RBMS1: variants seen among roughly 807,000 people sequenced by gnomAD.
RBMS1 encodes RNA-binding motif, single-stranded-interacting protein 1.
A neutral mutation model predicts 62.3 loss-of-function variants in RBMS1; 17 were observed. That is an observed-to-expected ratio of 0.27 (90% confidence interval 0.19 to 0.41). The LOEUF (loss-of-function observed/expected upper bound fraction) is 0.41, where lower values mean the gene tolerates loss of function less well. Ranked by LOEUF, RBMS1 falls within the 10% of genes least tolerant of loss-of-function variation. The probability of loss-of-function intolerance (pLI) is 1.00; values close to 1 mark genes in which losing one functional copy is unlikely to be tolerated. For missense variants in RBMS1, 334 were observed against 504.5 expected, an observed-to-expected ratio of 0.66 and a Z score of 3.24; for synonymous variants, 172 against 170.0, an observed-to-expected ratio of 1.01 and a Z score of -0.09.
chr2:160,473,124 G>C (rs1684988529), intron 1 of RBMS1, among the ~76,000 whole-genome samples: 1 of 152,196 alleles, frequency 6.6e-6, no homozygotes, highest in Non-Finnish European at 1.5e-5. Context: ...TTCTCTTTAG[G>C]ATTGTATACA....
intron 4 of RBMS1, among the ~76,000 whole-genome samples, chr2:160,305,750 T>C (rs1036570561): frequency 6.6e-6 from 1 of 152,174 alleles, no homozygotes; most frequent in African/African-American, 2.4e-5. Context: ...TTAGGTTCTA[T>C]CTTTTAATAA....
chr2:160,416,573 GTATTCTTACCACC>G (rs1477395705), intron 1 of RBMS1, among the ~76,000 whole-genome samples: 8 of 152,148 alleles, frequency 5.3e-5, no homozygotes, highest in African/African-American at 1.9e-4. Flanking sequence ...GGCAGGACAG[GTATTCTTACCACC>G]TGCCCCTGCC....
intron 1 of RBMS1, among the ~76,000 whole-genome samples, chr2:160,377,875 A>G (rs1280694347): frequency 6.6e-6 from 1 of 152,252 alleles, no homozygotes; most frequent in African/African-American, 2.4e-5. Flanking sequence ...AATCAGAGGG[A>G]GAACTGGGCT....
At chr2:160,347,773 G>A (rs962217339) in intron 2 of RBMS1, among the ~76,000 whole-genome samples, 1 of 152,040 alleles carries the variant, frequency 6.6e-6, no homozygotes, top group Non-Finnish European at 1.5e-5. Context: ...TTTAGACTAA[G>A]GAATTTTGCT....
At chr2:160,358,888 A>C (rs1338147864) in intron 2 of RBMS1, among the ~76,000 whole-genome samples, 1 of 152,156 alleles carries the variant, frequency 6.6e-6, no homozygotes, top group African/African-American at 2.4e-5. Context: ...CCCTCAAAGA[A>C]ATATAAGAAA....
intron 2 of RBMS1, among the ~76,000 whole-genome samples, chr2:160,321,921 C>T (rs1690584085): frequency 6.6e-6 from 1 of 152,148 alleles, no homozygotes; most frequent in South Asian, 2.1e-4. Context: ...CCTTAAATAC[C>T]CCTTTAAACA....
At chr2:160,389,444 T>C (rs1424315513) in intron 1 of RBMS1, among the ~76,000 whole-genome samples, 4 of 152,170 alleles carry the variant, frequency 2.6e-5, no homozygotes, top group Admixed American at 1.3e-4. Flanking sequence ...ATGCCTGTAA[T>C]GCCAGCACTT....
At chr2:160,444,926 C>T (rs536652045) in intron 1 of RBMS1, among the ~76,000 whole-genome samples, 1 of 152,308 alleles carries the variant, frequency 6.6e-6, no homozygotes, top group Admixed American at 6.5e-5. Context: ...ATCTTGGACT[C>T]CCATCCTCCA....
At chr2:160,341,079 AAT>A (rs1188974061) in intron 2 of RBMS1, among the ~76,000 whole-genome samples, 1 of 152,192 alleles carries the variant, frequency 6.6e-6, no homozygotes, top group African/African-American at 2.4e-5. Context: ...AGCTTAAAAA[AAT>A]ATATGTTTGA....
Position 160,318,183 on chromosome 2 carries a change from G to A in RBMS1, c.296C>T (p.Thr99Met), listed in dbSNP as rs770306504. The A allele has an allele frequency of 3.9e-6, 6 of 1,533,160 alleles. No individual in the cohort carries two copies. Among genetic ancestry groups the A allele is most frequent in the Non-Finnish European group, 1.7e-6 (2 of 1,148,518 alleles). The allele number at this position is 1,533,160 out of a possible 1,614,324, so 95.0% of individuals were successfully genotyped here. A position where few individuals can be genotyped will look rare whatever the true frequency, so the allele number is the denominator to read the frequency against. ...VSTKAILDKT[T>M]NKCKGYGFVD... ...AGAAAACATACCTTTGCATTTGTTCGTTGTCTTATCCAAAATTGCCTTTGT... is the reference window on the plus strand; with the variant it reads ...AGAAAACATACCTTTGCATTTGTTCATTGTCTTATCCAAAATTGCCTTTGT... Residue 99 changes from threonine to methionine, a missense_variant, in exon 3 of 14, where the codon ACG (threonine) becomes ATG (methionine). By Grantham distance (81) the Thr-to-Met change is moderately conservative (BLOSUM62 -1). This residue lies in a region of RBMS1 where 150 missense variants were observed against 228.0 expected (regional missense o/e 0.66). Coordinates refer to ENST00000348849, the MANE Select transcript of RBMS1 (RefSeq NM_016836.4).
intron 1 of RBMS1, among the ~76,000 whole-genome samples, chr2:160,377,269 G>A (rs758062935): frequency 1.3e-5 from 2 of 152,050 alleles, no homozygotes; most frequent in Non-Finnish European, 2.9e-5. Flanking sequence ...AGTATATTTC[G>A]TTAAAAGAAA....
intron 1 of RBMS1, among the ~76,000 whole-genome samples, chr2:160,377,276 G>C (rs1226754919): frequency 6.6e-6 from 1 of 152,142 alleles, no homozygotes; most frequent in African/African-American, 2.4e-5. Flanking sequence ...TTCGTTAAAA[G>C]AAATAAACGC....
chr2:160,450,065 C>T lies in RBMS1; in HGVS notation c.75+43224G>A, dbSNP rs1574074697. 2.0e-5 allele frequency among the ~76,000 whole-genome samples: 3 copies of T among 152,206 alleles called. No individual in the cohort carries two copies. In the South Asian group the frequency reaches 6.2e-4, roughly 32 times the overall value. ...CTCACCCCCTCCACTCTGCAGCATA[C>T]ACCCTTCACCCTGCTGACCACACCA... On this transcript the variant is annotated intron_variant, in intron 1 of 13. Coordinates refer to ENST00000348849, the MANE Select transcript of RBMS1 (RefSeq NM_016836.4).
chr2:160,408,347 C>A lies in RBMS1; in HGVS notation c.76-40956G>T, dbSNP rs1243276228. On this transcript the variant is annotated intron_variant, in intron 1 of 13. Coordinates refer to ENST00000348849, the MANE Select transcript of RBMS1 (RefSeq NM_016836.4). ...TTCAAGAAAAGGTGTGGACAATCACCCCTACTTCAACGAACACACGACCCT... is the reference window on the plus strand; with the variant it reads ...TTCAAGAAAAGGTGTGGACAATCACACCTACTTCAACGAACACACGACCCT... Among the ~76,000 whole-genome samples, 3 of 152,058 alleles carry A rather than the reference C, an allele frequency of 2.0e-5. No homozygotes were observed. The East Asian group carries it at 5.8e-4, about 29-fold the overall frequency.
chr2:160,305,900 C>T (rs1366962631), intron 4 of RBMS1, among the ~76,000 whole-genome samples: 1 of 151,948 alleles, frequency 6.6e-6, no homozygotes, highest in Non-Finnish European at 1.5e-5. Flanking sequence ...CAGTATAGGC[C>T]AAGGTGGGAG....
intron 5 of RBMS1, among the ~76,000 whole-genome samples, chr2:160,302,147 G>C (rs1302369706): frequency 6.7e-6 from 1 of 149,764 alleles, no homozygotes; most frequent in Admixed American, 6.6e-5. Flanking sequence ...GGGAGAAAAA[G>C]ATAAAAAATT....
intron 3 of RBMS1, 79 bp from the exon 4 acceptor site, chr2:160,313,326 G>T (rs1433665103): frequency 2.2e-6 from 3 of 1,362,868 alleles, no homozygotes; most frequent in African/African-American, 2.9e-5. Flanking sequence ...GCTCTACTTT[G>T]TTTCTGGTGT....
intron 2 of RBMS1, among the ~76,000 whole-genome samples, chr2:160,322,442 C>T (rs1690612067): frequency 6.6e-6 from 1 of 152,160 alleles, no homozygotes; most frequent in Admixed American, 6.5e-5. Flanking sequence ...AGAGGGATAA[C>T]AAGACAGAGG....
At chr2:160,392,140 T>C (rs546268839) in intron 1 of RBMS1, among the ~76,000 whole-genome samples, 10 of 152,298 alleles carry the variant, frequency 6.6e-5, no homozygotes, top group African/African-American at 2.4e-4. Context: ...CTTGGTTTTA[T>C]TTTGTACCTA....
Sources: allele counts gnomAD v4.1 joint callset (sites outside exome capture counted in the v4.1 genomes callset), GRCh38; gene constraint gnomAD v4.1.1; regional missense constraint gnomAD v4.1.1; transcripts MANE v1.5; gene names NCBI Gene and HGNC (gene_info 2026-07-23, HGNC 2026-07-21).